ERBIN: variants seen among roughly 807,000 people sequenced by gnomAD.
ERBIN encodes the protein erbb2 interacting protein, also known as densin-180-like protein.
In ERBIN, 60 loss-of-function variants were observed where a neutral mutation model predicts 158.4. That is an observed-to-expected ratio of 0.38 (90% CI 0.31 to 0.47). The LOEUF is 0.47. Ranked by LOEUF, ERBIN falls within the 20% of genes least tolerant of loss-of-function variation. The probability of loss-of-function intolerance (pLI) is 0.99; values close to 1 mark genes in which losing one functional copy is unlikely to be tolerated. For synonymous variants in ERBIN, 594 were observed against 557.2 expected, an observed-to-expected ratio of 1.07 and a Z score of -0.93; for missense variants, 1,610 against 1,648.0, an observed-to-expected ratio of 0.98 and a Z score of 0.40.
intron 16 of ERBIN, 83 bp downstream of exon 16, chr5:66,043,281 G>T: frequency 7.4e-7 from 1 of 1,358,748 alleles, no homozygotes; most frequent in Non-Finnish European, 1.0e-6. Flanking sequence ...GATGTCTGGG[G>T]ATATAACAAA....
chr5:65,960,463 T>A (rs1471685125), intron 1 of ERBIN, among the ~76,000 whole-genome samples: 1 of 152,186 alleles, frequency 6.6e-6, no homozygotes, highest in Non-Finnish European at 1.5e-5. Flanking sequence ...ACGTAAACTT[T>A]ACCTCAAAAA....
intron 21 of ERBIN, among the ~76,000 whole-genome samples, chr5:66,061,881 T>C (rs1374409600): frequency 6.6e-6 from 1 of 152,222 alleles, no homozygotes; most frequent in African/African-American, 2.4e-5. Context: ...CCCCACTCTC[T>C]TCTGGCTTGT....
chr5:65,971,436 TG>T lies in ERBIN; in HGVS notation c.-57-17198del, dbSNP rs1370124718. Among the ~76,000 whole-genome samples, 9 of 152,184 alleles carry T rather than the reference TG, an allele frequency of 5.9e-5. No individual in the cohort carries two copies. The East Asian group carries it at 1.7e-3, about 29-fold the overall frequency. On this transcript the variant is annotated intron_variant, in intron 1 of 25. Transcript: ENST00000284037. Reference sequence around the variant, plus strand: ...ATTTATATATGAATTTTCACTTATTTGAACTTTCAGATATCAGCTCAAAAGC... The same window carrying T: ...ATTTATATATGAATTTTCACTTATTTAACTTTCAGATATCAGCTCAAAAGC...
At chr5:65,946,456 C>CT (rs1271744860) in intron 1 of ERBIN, among the ~76,000 whole-genome samples, 1 of 152,170 alleles carries the variant, frequency 6.6e-6, no homozygotes, top group East Asian at 1.9e-4. Flanking sequence ...AGAGTTGTTG[C>CT]TTATAGCTAT....
At chr5:66,076,439 C>T in intron 24 of ERBIN, 31 bp downstream of exon 24, 1 of 1,492,464 alleles carries the variant, frequency 6.7e-7, no homozygotes, top group Non-Finnish European at 9.3e-7. Context: ...CTTGAAACAC[C>T]TATAAAGTTT....
chr5:66,052,647 G>T (rs1759163856), intron 20 of ERBIN, among the ~76,000 whole-genome samples: 1 of 152,128 alleles, frequency 6.6e-6, no homozygotes, highest in Non-Finnish European at 1.5e-5. Flanking sequence ...GTAATGGGAA[G>T]ACCAGTATTA....
chr5:65,953,715 T>G (rs1346006314), intron 1 of ERBIN, among the ~76,000 whole-genome samples: 1 of 152,252 alleles, frequency 6.6e-6, no homozygotes, highest in East Asian at 1.9e-4. Flanking sequence ...CTTTGTTGTT[T>G]TGAAACTAGA....
chr5:65,983,673 A>G (rs755268364), intron 1 of ERBIN, among the ~76,000 whole-genome samples: 1 of 152,224 alleles, frequency 6.6e-6, no homozygotes, highest in Non-Finnish European at 1.5e-5. Flanking sequence ...TACAAAATGA[A>G]ATATTGCACC....
chr5:65,972,074 A>G (rs1749311049), intron 1 of ERBIN, among the ~76,000 whole-genome samples: 1 of 151,954 alleles, frequency 6.6e-6, no homozygotes, highest in African/African-American at 2.4e-5. Flanking sequence ...TTCTCAGAGA[A>G]AGGAGGAGTC....
intron 13 of ERBIN, 82 bp from the exon 14 acceptor site, chr5:66,028,192 G>C: frequency 9.9e-7 from 1 of 1,009,782 alleles, no homozygotes; most frequent in South Asian, 1.7e-5. Flanking sequence ...GCATTTTTCA[G>C]AAAACCTTTA....
chr5:65,970,443 C>T (rs544377761), intron 1 of ERBIN, among the ~76,000 whole-genome samples: 3 of 151,976 alleles, frequency 2.0e-5, no homozygotes, highest in African/African-American at 7.3e-5. Context: ...CCTATCCTAC[C>T]GAAGTTTGTC....
intron 11 of ERBIN, 24 bp from the exon 12 acceptor site, chr5:66,025,824 T>A: frequency 7.6e-7 from 1 of 1,324,300 alleles, no homozygotes; most frequent in Non-Finnish European, 1.0e-6. Flanking sequence ...ACAAATAATA[T>A]ATATTTCTTT....
At chr5:65,975,072 A>G (rs980433469) in intron 1 of ERBIN, among the ~76,000 whole-genome samples, 3 of 152,154 alleles carry the variant, frequency 2.0e-5, no homozygotes, top group African/African-American at 4.8e-5. Context: ...CAGTGGTGTG[A>G]TCTTGGCTCA....
intron 7 of ERBIN, among the ~76,000 whole-genome samples, chr5:66,018,957 T>C (rs1463347295): frequency 2.0e-5 from 3 of 152,052 alleles, no homozygotes; most frequent in Non-Finnish European, 4.4e-5. Flanking sequence ...TTTTTGTAAC[T>C]ACTATAAATG....
At chr5:65,975,811 CTTTT>C (rs1241037786) in intron 1 of ERBIN, among the ~76,000 whole-genome samples, 1 of 152,128 alleles carries the variant, frequency 6.6e-6, no homozygotes, top group Non-Finnish European at 1.5e-5. Flanking sequence ...AGGAGAGATT[CTTTT>C]TTAAGATGAG....
In ERBIN at chr5:66,075,087, C is replaced by T. The variant is rs1454517219; in HGVS notation, c.3820C>T (p.His1274Tyr). 2 of 1,614,012 alleles carry T rather than the reference C, an allele frequency of 1.2e-6. No homozygotes were observed. Among genetic ancestry groups the T allele is most frequent in the Non-Finnish European group, 8.5e-7 (1 of 1,180,036 alleles). Reference sequence around the variant, plus strand: ...GCCTCAGGCAAATTATAGTCAAATACATCACCCCCCTCAGGCATCTGTGGC... The same window carrying T: ...GCCTCAGGCAAATTATAGTCAAATATATCACCCCCCTCAGGCATCTGTGGC... ...LRPQANYSQI[H>Y]HPPQASVARH... The change falls in exon 23 of 26, where the codon CAT becomes TAT. Residue 1274 changes from histidine to tyrosine, a missense_variant. By Grantham distance (83) the His-to-Tyr change is moderately conservative. This residue lies in a region of ERBIN where 1,014 missense variants were observed against 936.1 expected (regional missense o/e 1.08). Coordinates refer to ENST00000284037, the MANE Select transcript of ERBIN (RefSeq NM_001253697.2).
chr5:66,004,402 G>C (rs137934470), intron 4 of ERBIN, among the ~76,000 whole-genome samples: 15 of 151,650 alleles, frequency 9.9e-5, no homozygotes, highest in Non-Finnish European at 1.6e-4. Flanking sequence ...GCGCGCGTGC[G>C]TGTGTGTATG....
Position 66,018,545 on chromosome 5 carries a change from AT to A in ERBIN, c.534-2775del, listed in dbSNP as rs1561381115. 1.4e-4 allele frequency among the ~76,000 whole-genome samples: 2 copies of A among 14,126 alleles called. 1 individual carries two copies. The highest frequency in any genetic ancestry group is 4.8e-4 in the Non-Finnish European group (2 of 4,152). The allele number at this position is 14,126 out of a possible 152,430, so 9.3% of individuals were successfully genotyped here. On this transcript the variant is annotated intron_variant, in intron 7 of 25. Transcript: ENST00000284037. Reference sequence around the variant, plus strand: ...ATATATATTATATTATATAATATATATTATATATTATATAATATATATTATA... The same window carrying A: ...ATATATATTATATTATATAATATATATATATATTATATAATATATATTATA...
At chr5:66,003,916 C>G (rs1248368935) in intron 4 of ERBIN, among the ~76,000 whole-genome samples, 1 of 141,054 alleles carries the variant, frequency 7.1e-6, no homozygotes, top group East Asian at 2.0e-4. Flanking sequence ...CACATTGGAG[C>G]AGCAGTCTTT....
Sources: allele counts gnomAD v4.1 joint callset (sites outside exome capture counted in the v4.1 genomes callset), GRCh38; gene constraint gnomAD v4.1.1; regional missense constraint gnomAD v4.1.1; transcripts MANE v1.5; gene names NCBI Gene and HGNC (gene_info 2026-07-23, HGNC 2026-07-21).